The following KAT6A variants were observed in gnomAD, a reference collection of about 807,000 sequenced individuals.
KAT6A encodes lysine acetyltransferase 6A, also known as histone acetyltransferase KAT6A.
KAT6A carries 9 observed loss-of-function variants against 198.4 expected under a neutral mutation model. That is an observed-to-expected ratio of 0.05 (90% confidence interval 0.03 to 0.08). The LOEUF is 0.08. Among genes scored for constraint, KAT6A ranks in the 10% least tolerant of loss-of-function variants. KAT6A has a pLI of 1.00. For synonymous variants in KAT6A, 890 were observed against 883.0 expected (o/e 1.01, Z -0.14); for missense variants, 2,077 against 2,509.9 (o/e 0.83, Z 3.69).
At chr8:41,992,068 G>A (rs922805194) in intron 2 of KAT6A, among the ~76,000 whole-genome samples, 1 of 152,082 alleles carries the variant, frequency 6.6e-6, no homozygotes, top group Non-Finnish European at 1.5e-5. Flanking sequence ...GGGTACGGTG[G>A]TGAGCACCTG....
rs1821475694 is a variant in KAT6A, at chr8:41,930,531, T to C, written c.*1674A>G. The C allele has an allele frequency of 5.1e-6, 1 of 195,114 alleles. No homozygotes were observed. Among genetic ancestry groups the C allele is most frequent in the Non-Finnish European group, 1.1e-5 (1 of 94,200 alleles). The allele number at this position is 195,114 out of a possible 1,614,324, so 12.1% of individuals were successfully genotyped here. ...TAATGCCTAATTAGTACTTTAAAAA[T>C]TTATCTATATAAAATGTACAAATAA... On this transcript the variant is annotated 3_prime_UTR_variant, in exon 17 of 17. Coordinates refer to ENST00000265713, the MANE Select transcript of KAT6A (RefSeq NM_006766.5).
chr8:41,934,499 C>T lies in KAT6A; in HGVS notation c.3721G>A (p.Glu1241Lys). 2 of 1,612,644 alleles carry T rather than the reference C, an allele frequency of 1.2e-6. No homozygotes were observed. Among genetic ancestry groups the T allele is most frequent in the Non-Finnish European group, 1.7e-6 (2 of 1,179,250 alleles). The change falls in exon 17 of 17, where the codon GAA becomes AAA. Residue 1241 changes from glutamate (E) to lysine (K), a missense_variant. By Grantham distance (56) the Glu-to-Lys change is moderately conservative. Coordinates refer to ENST00000265713, the MANE Select transcript of KAT6A (RefSeq NM_006766.5). ...ACTTCACTGCTGGCTGCATCCTCTT[C>T]CTCACCCTCTTCAGCCTCTTCTGCC... ...AEAEEAEEGEEEDAASSEVPA... is the reference protein window; with the variant it reads ...AEAEEAEEGEKEDAASSEVPA...
At chr8:42,037,995 G>A (rs1827462554) in intron 2 of KAT6A, among the ~76,000 whole-genome samples, 1 of 152,124 alleles carries the variant, frequency 6.6e-6, no homozygotes, top group Non-Finnish European at 1.5e-5. Context: ...CAGACACTAT[G>A]TTTATAGAAG....
intron 8 of KAT6A, chr8:41,957,250 C>T (rs2150872487): frequency 1.8e-6 from 1 of 569,036 alleles, no homozygotes; most frequent in Non-Finnish European, 3.6e-6. Flanking sequence ...CACCGTGAAA[C>T]GTTCCTGCAC....
At chr8:42,019,887 T>C (rs1001630327) in intron 2 of KAT6A, among the ~76,000 whole-genome samples, 4 of 152,168 alleles carry the variant, frequency 2.6e-5, no homozygotes, top group Non-Finnish European at 4.4e-5. Flanking sequence ...TTCCAAGCAA[T>C]AGACCTTAAC....
intron 11 of KAT6A, 111 bp downstream of exon 11, chr8:41,947,640 T>C (rs1564015642): frequency 1.2e-6 from 1 of 811,054 alleles, no homozygotes; most frequent in East Asian, 2.8e-5. Context: ...TCCAAACAGC[T>C]AGATGACACC....
chr8:41,970,224 C>T (rs1271204308), intron 8 of KAT6A, among the ~76,000 whole-genome samples: 1 of 152,232 alleles, frequency 6.6e-6, no homozygotes, highest in Non-Finnish European at 1.5e-5. Flanking sequence ...GGAGAAATAG[C>T]ACCATCATCA....
At chr8:42,030,401 G>T (rs186862736) in intron 2 of KAT6A, among the ~76,000 whole-genome samples, 1 of 152,026 alleles carries the variant, frequency 6.6e-6, no homozygotes, top group Non-Finnish European at 1.5e-5. Context: ...CATCCTTTCC[G>T]TGTTTAATTT....
intron 2 of KAT6A, among the ~76,000 whole-genome samples, chr8:41,988,212 G>A (rs540554682): frequency 7.2e-5 from 11 of 152,244 alleles, no homozygotes; most frequent in Non-Finnish European, 1.6e-4. Context: ...AATAGAGGTA[G>A]TATAAGTAGC....
intron 2 of KAT6A, among the ~76,000 whole-genome samples, chr8:42,018,372 G>A (rs1425349664): frequency 1.3e-5 from 2 of 152,140 alleles, no homozygotes; most frequent in African/African-American, 2.4e-5. Flanking sequence ...TTAGCCAGGT[G>A]TGGTGGCACA....
At chr8:42,028,768 T>C (rs1338478542) in intron 2 of KAT6A, among the ~76,000 whole-genome samples, 2 of 152,216 alleles carry the variant, frequency 1.3e-5, no homozygotes, top group Non-Finnish European at 2.9e-5. Context: ...GTTAACCTTC[T>C]GGTTGTTTTG....
At chr8:41,951,525 T>C (rs1186469634) in intron 9 of KAT6A, among the ~76,000 whole-genome samples, 15 of 152,238 alleles carry the variant, frequency 9.9e-5, no homozygotes, top group Non-Finnish European at 1.5e-5. Context: ...GGGCTGCTTT[T>C]AGTGATCTTC....
At chr8:41,952,511 C>G (rs1822714786) in intron 9 of KAT6A, among the ~76,000 whole-genome samples, 1 of 152,134 alleles carries the variant, frequency 6.6e-6, no homozygotes. Context: ...TTTTTAAAGA[C>G]AGGGATACAA....
intron 2 of KAT6A, among the ~76,000 whole-genome samples, chr8:42,033,969 G>C (rs1827254937): frequency 6.6e-6 from 1 of 152,184 alleles, no homozygotes; most frequent in African/African-American, 2.4e-5. Context: ...TGATGCAAGT[G>C]TGTACGGACA....
intron 2 of KAT6A, among the ~76,000 whole-genome samples, chr8:41,995,864 G>A (rs577204819): frequency 2.0e-5 from 3 of 151,808 alleles, no homozygotes; most frequent in East Asian, 1.9e-4. Flanking sequence ...TAGTTGAGAC[G>A]GGGGTTTCAC....
chr8:42,031,038 A>AAAAG (rs35595569), intron 2 of KAT6A, among the ~76,000 whole-genome samples: 8 of 113,374 alleles, frequency 7.1e-5, no homozygotes, highest in Non-Finnish European at 1.2e-4. Flanking sequence ...AAAAAAAAAA[A>AAAAG]GGGGGGGGGG....
chr8:41,943,812 T>A lies in KAT6A; in HGVS notation c.2164A>T (p.Ile722Phe). The A allele has an allele frequency of 6.2e-7, 1 of 1,614,034 alleles. No homozygotes were observed. The highest frequency in any genetic ancestry group is 8.5e-7 in the Non-Finnish European group (1 of 1,180,000). ...SIKKLSKLTG[I>F]CPQDITSTLH... ...GTGGAAGTGATGTCTTGAGGGCAGA[T>A]TCCAGTCAACTTGCTTAACTTCTTA... Residue 722 changes from isoleucine to phenylalanine, a missense_variant, in exon 13 of 17, where the codon ATC (isoleucine) becomes TTC (phenylalanine). Physicochemically the swap from Ile to Phe is conservative, Grantham distance 21. Transcript: ENST00000265713.
chr8:42,033,275 T>C lies in KAT6A; in HGVS notation c.600+15103A>G, dbSNP rs187709196. ...TAATTTTCAGACAAAACAAATCCTT[T>C]TTTCTGCTTTAAAAGGCAGTAAGTA... On this transcript the variant is annotated intron_variant, in intron 2 of 16. Transcript: ENST00000265713. Among the ~76,000 whole-genome samples, 62 of 152,302 alleles carry C rather than the reference T, an allele frequency of 4.1e-4. No individual in the cohort carries two copies. The East Asian group carries it at 0.012, about 29-fold the overall frequency.
intron 3 of KAT6A, among the ~76,000 whole-genome samples, chr8:41,983,382 A>G (rs947002976): frequency 8.5e-5 from 13 of 152,254 alleles, no homozygotes; most frequent in African/African-American, 2.7e-4. Flanking sequence ...TCCTAGAATA[A>G]TAGCCATTTT....
Sources: gnomAD v4.1 joint callset for allele counts (sites outside exome capture counted in the v4.1 genomes callset) on GRCh38, gnomAD v4.1.1 for gene constraint, MANE v1.5 for transcripts, NCBI Gene and HGNC (gene_info 2026-07-23, HGNC 2026-07-21) for gene names.